SRC: variants seen among roughly 807,000 people sequenced by gnomAD.
SRC encodes proto-oncogene tyrosine-protein kinase Src.
In SRC, 13 loss-of-function variants were observed where a neutral mutation model predicts 62.9. That is an observed-to-expected ratio of 0.21 (90% CI 0.13 to 0.33). The LOEUF (loss-of-function observed/expected upper bound fraction) is 0.33. SRC is among the 10% of genes least tolerant of loss of function. The pLI is 1.00. For synonymous variants in SRC, 302 were observed against 317.5 expected (o/e 0.95, Z 0.52); for missense variants, 457 against 737.3 (o/e 0.62, Z 4.40).
At position 37,402,043 on chromosome 20, in the gene SRC, C is replaced by T. The variant is rs1318533901; in HGVS notation, c.1116+365C>T. 5 of 297,464 alleles carry T rather than the reference C, an allele frequency of 1.7e-5. No homozygotes were observed. In the South Asian group the frequency reaches 3.3e-4, roughly 19 times the overall value. 18.4% of individuals were successfully genotyped at this position (297,464 alleles called of 1,614,324 possible). ...TAATCCTCATCACGACCAGGAGTGA[C>T]GAGGATTGGCTGTTATTCCCATTGG... On this transcript the variant is annotated intron_variant, in intron 11 of 13. Transcript: ENST00000373578. The surrounding 1 kb of genome is among the most constrained non-coding windows in gnomAD (Gnocchi z 6.2).
At chr20:37,392,606 G>A (rs950966795) in intron 5 of SRC, among the ~76,000 whole-genome samples, 1 of 152,170 alleles carries the variant, frequency 6.6e-6, no homozygotes, top group East Asian at 1.9e-4. Context: ...AACCTGCAGG[G>A]GGTGCTCCTA....
At position 37,371,146 on chromosome 20, in the gene SRC, G is replaced by A. The variant is rs983358444; in HGVS notation, c.-173+5869G>A. Among the ~76,000 whole-genome samples, 6 of 152,006 alleles carry A rather than the reference G, an allele frequency of 3.9e-5. No individual in the cohort carries two copies. In the East Asian group the frequency reaches 5.8e-4, roughly 15 times the overall value. ...TGGGATTACAGGCATGTGCCACCAC[G>A]CCCGGCTAATTTTTTATTTTTAGTA... is the stretch of plus-strand genomic sequence containing the variant. On this transcript the variant is annotated intron_variant, in intron 2 of 13. Transcript: ENST00000373578.
Position 37,361,675 on chromosome 20 carries a change from G to T in SRC, c.-246-3529G>T, listed in dbSNP as rs79751764. Among the ~76,000 whole-genome samples, 1,451 of 152,366 alleles carry T rather than the reference G, an allele frequency of 9.5e-3. 28 individuals carry two copies. Among genetic ancestry groups the T allele is most frequent in the African/African-American group, 0.032 (1,338 of 41,584 alleles). ...CCCATCAGGGGTGGGGCAGCTGGGG[G>T]CTCTCGGAAAGATGACCTACGGCTG... On this transcript the variant is annotated intron_variant, in intron 1 of 13. Coordinates refer to ENST00000373578, the MANE Select transcript of SRC (RefSeq NM_198291.3).
chr20:37,402,688 T>C lies in SRC; in HGVS notation c.1271-61T>C. On this transcript the variant is annotated intron_variant, in intron 12 of 13. Coordinates refer to ENST00000373578, the MANE Select transcript of SRC (RefSeq NM_198291.3). The surrounding 1 kb of genome is among the most constrained non-coding windows in gnomAD (Gnocchi z 6.2). Reference sequence around the variant, plus strand: ...CTCAGCTGTCATTCCTCATGGTGCTTATCTAGCAGAGCGGTCATGACAGGA... The same window carrying C: ...CTCAGCTGTCATTCCTCATGGTGCTCATCTAGCAGAGCGGTCATGACAGGA... 6.3e-7 allele frequency: 1 copy of C among 1,576,216 alleles called. No individual in the cohort carries two copies. Among genetic ancestry groups the C allele is most frequent in the Non-Finnish European group, 8.6e-7 (1 of 1,158,692 alleles).
intron 2 of SRC, among the ~76,000 whole-genome samples, chr20:37,373,075 CATATATACAT>C (rs1437039583): frequency 6.0e-4 from 90 of 150,836 alleles, no homozygotes; most frequent in Non-Finnish European, 8.7e-4. Flanking sequence ...CATATACACA[CATATATACAT>C]ATATAAATAC....
At chr20:37,362,026 T>G (rs1057017553) in intron 1 of SRC, among the ~76,000 whole-genome samples, 6 of 152,108 alleles carry the variant, frequency 3.9e-5, no homozygotes, top group Admixed American at 6.5e-5. Flanking sequence ...CAGGCAGAGA[T>G]GCTGAAGCCC....
intron 2 of SRC, among the ~76,000 whole-genome samples, chr20:37,378,978 T>A (rs1388483895): frequency 9.5e-6 from 1 of 104,950 alleles, no homozygotes; most frequent in African/African-American, 5.0e-5. Context: ...TGGGGTGGGA[T>A]GTGCAGGGGT....
At position 37,369,699 on chromosome 20, in the gene SRC, T is replaced by C. The variant is rs375419793; in HGVS notation, c.-173+4422T>C. Among the ~76,000 whole-genome samples, 12 of 152,238 alleles carry C rather than the reference T, an allele frequency of 7.9e-5. No homozygotes were observed. The East Asian group carries it at 2.1e-3, about 27-fold the overall frequency. On this transcript the variant is annotated intron_variant, in intron 2 of 13. Coordinates refer to ENST00000373578, the MANE Select transcript of SRC (RefSeq NM_198291.3). ...TGAATAGAAGTGGTGAGGGTAGATA[T>C]TCTTTTCATTTCTGATCTTGGGGGG...
rs552437319 is a variant in SRC at position 37,382,140 on chromosome 20, C to T, written c.-172-479C>T. ...TCTCAGAGGAAATTCTGGACCGATT[C>T]CCAGGCCTTCTGCCTCCCCAAAGAA... On this transcript the variant is annotated intron_variant, in intron 2 of 13. Transcript: ENST00000373578. 7.7e-4 allele frequency among the ~76,000 whole-genome samples: 117 copies of T among 152,322 alleles called. 1 individual carries two copies. The highest frequency in any genetic ancestry group is 7.1e-4 in the Non-Finnish European group (48 of 68,026).
Position 37,397,643 on chromosome 20 carries a change from C to A in SRC, c.704-56C>A, listed in dbSNP as rs2147106971. The A allele has an allele frequency of 6.7e-7, 1 of 1,492,728 alleles. No homozygotes were observed. The allele number at this position is 1,492,728 out of a possible 1,614,324, so 92.5% of individuals were successfully genotyped here. ...ATGTAGGGCGACACACACTGAGGGG[C>A]AGGGAGGCCCCAGGGCAGAAGACCC... On this transcript the variant is annotated intron_variant, in intron 8 of 13. Transcript: ENST00000373578. The surrounding 1 kb of genome is among the most constrained non-coding windows in gnomAD (Gnocchi z 4.1).
chr20:37,358,199 A>T (rs1405063712), intron 1 of SRC, among the ~76,000 whole-genome samples: 1 of 152,204 alleles, frequency 6.6e-6, no homozygotes, highest in Admixed American at 6.5e-5. Context: ...GAAGTGCCGA[A>T]CTGATGTCCT....
intron 1 of SRC, among the ~76,000 whole-genome samples, chr20:37,359,415 A>G (rs1443698201): frequency 6.6e-6 from 1 of 152,242 alleles, no homozygotes; most frequent in Non-Finnish European, 1.5e-5. Flanking sequence ...AAGGGCCACG[A>G]ATCCATAATG....
At position 37,403,158 on chromosome 20, in the gene SRC, GCT is replaced by G. The variant is rs1422299579; in HGVS notation, c.1403-10_1403-9del. On this transcript the variant is annotated splice_polypyrimidine_tract_variant and intron_variant, in intron 13 of 13. Coordinates refer to ENST00000373578, the MANE Select transcript of SRC (RefSeq NM_198291.3). This position sits in a 1 kb window ranked among gnomAD's most constrained non-coding sequence, Gnocchi z 7.1. ...ACCGGAGCCGGGCTCCCCATGCCTC[GCT>G]CTGCCCACAGGGATGGTGAACCGCG... The G allele has an allele frequency of 4.6e-6, 7 of 1,526,770 alleles. No individual in the cohort carries two copies. Among genetic ancestry groups the G allele is most frequent in the Non-Finnish European group, 6.1e-6 (7 of 1,138,982 alleles). 94.6% of individuals were successfully genotyped at this position (1,526,770 alleles called of 1,614,324 possible).
At chr20:37,368,532 T>TGTTTTTTTTTGTTTTTTTTTTTTG (rs1568625222) in intron 2 of SRC, among the ~76,000 whole-genome samples, 1 of 123,892 alleles carries the variant, frequency 8.1e-6, no homozygotes, top group African/African-American at 3.6e-5. Flanking sequence ...TTTTTTTTTT[T>TGTTTTTTTTTGTTTTTTTTTTTTG]TTTTTTTTTT....
At chr20:37,387,360 T>A (rs1455923488) in intron 5 of SRC, among the ~76,000 whole-genome samples, 2 of 152,160 alleles carry the variant, frequency 1.3e-5, no homozygotes, top group Non-Finnish European at 2.9e-5. Flanking sequence ...ACCTGTGTCC[T>A]TGTATTGACT....
intron 9 of SRC, among the ~76,000 whole-genome samples, chr20:37,399,418 T>C (rs951767149): frequency 6.6e-6 from 1 of 152,158 alleles, no homozygotes; most frequent in African/African-American, 2.4e-5. Context: ...CCAGTACACA[T>C]TGCATTTGCT....
At chr20:37,401,482 C>T (rs574510447) in intron 10 of SRC, 120 bp from the exon 11 acceptor site, 10 of 682,946 alleles carry the variant, frequency 1.5e-5, no homozygotes, top group Admixed American at 7.6e-5. Context: ...GATGAGTTTA[C>T]GTAAAATCTG....
intron 2 of SRC, among the ~76,000 whole-genome samples, chr20:37,365,653 A>G (rs1158201752): frequency 6.6e-6 from 1 of 151,806 alleles, no homozygotes; most frequent in Non-Finnish European, 1.5e-5. Flanking sequence ...TGTCACAATC[A>G]TGCTCACCGT....
chr20:37,365,389 C>G (rs1201466617), intron 2 of SRC, 112 bp downstream of exon 2: 1 of 152,260 alleles, frequency 6.6e-6, no homozygotes, highest in East Asian at 1.9e-4. Context: ...AAAAGTAAGC[C>G]TCTCTCACAC....
Sources: gnomAD v4.1 joint callset for allele counts (sites outside exome capture counted in the v4.1 genomes callset) on GRCh38, gnomAD v4.1.1 for gene constraint, Gnocchi (gnomAD v3.1) non-coding constraint, MANE v1.5 for transcripts, NCBI Gene and HGNC (gene_info 2026-07-23, HGNC 2026-07-21) for gene names.